The following NUP43 variants were observed in gnomAD, a reference collection of about 807,000 sequenced individuals.
NUP43 encodes nucleoporin 43, also known as nucleoporin Nup43.
NUP43 carries 32 observed loss-of-function variants against 47.3 expected under a neutral mutation model. The ratio of observed to expected loss-of-function variants is 0.68; its 90% CI spans 0.51 to 0.91. NUP43 has a LOEUF of 0.91. Ranked by LOEUF, NUP43 falls within the 40% of genes least tolerant of loss-of-function variation. The probability of loss-of-function intolerance (pLI) is 0.00; values close to 1 mark genes in which losing one functional copy is unlikely to be tolerated. For missense variants in NUP43, 444 were observed against 453.9 expected (o/e 0.98, Z 0.20); for synonymous variants, 147 against 158.4 (o/e 0.93, Z 0.54).
rs1028382996 is a variant in NUP43 at position 149,725,990 on chromosome 6, C to T, written c.*979G>A. The T allele has an allele frequency of 6.6e-6, 1 of 152,084 alleles. No individual in the cohort carries two copies. The highest frequency in any genetic ancestry group is 1.5e-5 in the Non-Finnish European group (1 of 68,018). The allele number at this position is 152,084 out of a possible 1,614,324, so 9.4% of individuals were successfully genotyped here. A position where few individuals can be genotyped will look rare whatever the true frequency, so the allele number is the denominator to read the frequency against. ...AGAATTCTACTTTATTGCACAATGTCCAGTTTGGCAACTTTCAGCTATGCT... is the reference window on the plus strand; with the variant it reads ...AGAATTCTACTTTATTGCACAATGTTCAGTTTGGCAACTTTCAGCTATGCT... On this transcript the variant is annotated 3_prime_UTR_variant, in exon 8 of 8. Coordinates refer to ENST00000340413, the MANE Select transcript of NUP43 (RefSeq NM_198887.3).
chr6:149,746,703 G>A (rs749014117), upstream of NUP43: 12 of 1,512,854 alleles, frequency 7.9e-6, no homozygotes, highest in Non-Finnish European at 1.1e-5. Flanking sequence ...CTGAGCAAAG[G>A]CAAGAGCGCT....
chr6:149,739,886 T>C (rs914762511), intron 4 of NUP43, among the ~76,000 whole-genome samples: 1 of 152,194 alleles, frequency 6.6e-6, no homozygotes, highest in Non-Finnish European at 1.5e-5. Context: ...TTTTGTTGAT[T>C]TCCTAGTGTT....
intron 4 of NUP43, 133 bp from the exon 5 acceptor site, chr6:149,738,911 A>G: frequency 2.1e-6 from 1 of 474,980 alleles, no homozygotes; most frequent in South Asian, 6.5e-5. Flanking sequence ...TCTATAGAAA[A>G]ATGCATGGTT....
intron 4 of NUP43, among the ~76,000 whole-genome samples, chr6:149,739,663 TGA>T (rs200328584): frequency 0.023 from 3,574 of 152,258 alleles, 62 homozygotes; most frequent in Non-Finnish European, 0.038. Flanking sequence ...CCTGCATTTC[TGA>T]GAGAGTTGTT....
rs147323573 is a variant in NUP43 at position 149,736,612 on chromosome 6, G to A, written c.649C>T (p.Arg217Ter). Reference sequence around the variant, plus strand: ...CTATCAACACAGTGGAGTGGCACTCGGTCACCAGTCCTTTTGTGGGAGATA... The same window carrying A: ...CTATCAACACAGTGGAGTGGCACTCAGTCACCAGTCCTTTTGTGGGAGATA... ...PSQILSLTGD[R>*]VPLHCVDRHP... The change falls in exon 6 of 8, where the codon CGA becomes TGA. Residue 217 changes from arginine to a stop codon, truncating the protein, a stop_gained. Coordinates refer to ENST00000340413, the MANE Select transcript of NUP43 (RefSeq NM_198887.3). LOFTEE classifies it high-confidence loss of function. The A allele has an allele frequency of 5.1e-6, 8 of 1,581,828 alleles. No homozygotes were observed. The highest frequency in any genetic ancestry group is 3.4e-5 in the South Asian group (3 of 88,846).
chr6:149,739,630 T>C (rs1266819078), intron 4 of NUP43, among the ~76,000 whole-genome samples: 2 of 152,108 alleles, frequency 1.3e-5, no homozygotes, highest in African/African-American at 4.8e-5. Context: ...CATACATTTC[T>C]TTTTAACTCT....
At chr6:149,744,219 A>G (rs1785835659) in intron 2 of NUP43, among the ~76,000 whole-genome samples, 1 of 151,256 alleles carries the variant, frequency 6.6e-6, no homozygotes, top group Non-Finnish European at 1.5e-5. Flanking sequence ...GTTTCAAAAA[A>G]AGAATAAAAA....
chr6:149,746,038 T>G lies in NUP43; in HGVS notation c.145A>C (p.Ile49Leu). The G allele has an allele frequency of 6.2e-7, 1 of 1,613,918 alleles. No homozygotes were observed. Among genetic ancestry groups the G allele is most frequent in the South Asian group, 1.1e-5 (1 of 91,070 alleles). Residue 49 changes from isoleucine (I) to leucine (L), a missense_variant, in exon 2 of 8, where the codon ATT (isoleucine) becomes CTT (leucine). Coordinates refer to ENST00000340413, the MANE Select transcript of NUP43 (RefSeq NM_198887.3). ...GAGTCCAAGTTTCCAAAATCTCCAA[T>G]AGACCACAGTGAAATATAATTTTCC... ...NEENYISLWSIGDFGNLDSDG... is the reference protein window; with the variant it reads ...NEENYISLWSLGDFGNLDSDG...
chr6:149,727,057 G>A lies in NUP43; in HGVS notation c.1055C>T (p.Ser352Phe). ...ITSLLPSRSL[S>F]VNTLDVLGPC... ...ACCTAAAACATCCAAAGTGTTCACA[G>A]ACAGAGACCTACTGGGAAGTAAGCT... The change falls in exon 8 of 8, where the codon TCT (serine) becomes TTT (phenylalanine). Residue 352 changes from serine (S) to phenylalanine (F), a missense_variant. By Grantham distance (155) the Ser-to-Phe change is radical. Transcript: ENST00000340413. 6.2e-7 allele frequency: 1 copy of A among 1,614,148 alleles called. No individual in the cohort carries two copies. Among genetic ancestry groups the A allele is most frequent in the Non-Finnish European group, 8.5e-7 (1 of 1,180,012 alleles).
chr6:149,743,498 G>A lies in NUP43; in HGVS notation c.321+140C>T, dbSNP rs186798737. On this transcript the variant is annotated intron_variant, in intron 3 of 7. Coordinates refer to ENST00000340413, the MANE Select transcript of NUP43 (RefSeq NM_198887.3). The stretch of plus-strand genomic sequence containing the variant: ...TAATCCCAGCTACTTGGGAGGCTGA[G>A]GCAGGAGAATCACTTGAACTCAGAA... 7.0e-5 allele frequency: 39 copies of A among 553,288 alleles called. No individual in the cohort carries two copies. The East Asian group carries it at 1.1e-3, about 16-fold the overall frequency. The allele number at this position is 553,288 out of a possible 1,614,324, so 34.3% of individuals were successfully genotyped here.
At chr6:149,727,389 A>G (rs1784838405) in intron 7 of NUP43, 191 bp from the exon 8 acceptor site, 11 of 984,478 alleles carry the variant, frequency 1.1e-5, no homozygotes, top group Non-Finnish European at 1.3e-5. Context: ...TAAATATTCA[A>G]ATTTCCATGG....
intron 6 of NUP43, among the ~76,000 whole-genome samples, chr6:149,734,481 G>C (rs1180473420): frequency 6.6e-6 from 1 of 151,818 alleles, no homozygotes; most frequent in Non-Finnish European, 1.5e-5. Flanking sequence ...TTCCAACCTG[G>C]GTGAGAGAGA....
chr6:149,735,972 C>CT (rs1227977422), intron 6 of NUP43, among the ~76,000 whole-genome samples: 1 of 93,340 alleles, frequency 1.1e-5, no homozygotes, highest in Non-Finnish European at 2.2e-5. Flanking sequence ...GACCCTGTCT[C>CT]TTTAAAAAAA....
chr6:149,742,044 TA>T (rs939565104), intron 4 of NUP43, among the ~76,000 whole-genome samples: 4 of 150,988 alleles, frequency 2.6e-5, no homozygotes, highest in African/African-American at 9.7e-5. Flanking sequence ...TTTTTTTTTT[TA>T]AACAGAGTTT....
At position 149,728,336 on chromosome 6, in the gene NUP43, CTG is replaced by C; in HGVS notation, c.914-1140_914-1139del. The C allele has an allele frequency of 6.1e-6, 6 of 985,212 alleles. No individual in the cohort carries two copies. In the South Asian group the frequency reaches 2.8e-4, roughly 46 times the overall value. The allele number at this position is 985,212 out of a possible 1,614,324, so 61.0% of individuals were successfully genotyped here. On this transcript the variant is annotated intron_variant, in intron 7 of 7. Coordinates refer to ENST00000340413, the MANE Select transcript of NUP43 (RefSeq NM_198887.3). ...TAAAAGTAAACTTGCAAGTTCAAGA[CTG>C]TGCGGTTAGGGGAGGAAGGAAGTAA...
At chr6:149,747,654 C>T (rs1358693657), upstream of NUP43, among the ~76,000 whole-genome samples, 1 of 152,090 alleles carries the variant, frequency 6.6e-6, no homozygotes, top group Admixed American at 6.6e-5. Context: ...ATATTCCTCC[C>T]CCATTAGAAT....
At chr6:149,744,107 C>CTACAAAAA (rs1193389904) in intron 2 of NUP43, among the ~76,000 whole-genome samples, 1 of 151,938 alleles carries the variant, frequency 6.6e-6, no homozygotes, top group African/African-American at 2.4e-5. Flanking sequence ...GGCCTCGTCT[C>CTACAAAAA]TACAAAAATA....
intron 6 of NUP43, among the ~76,000 whole-genome samples, chr6:149,733,634 T>C (rs1785169133): frequency 6.6e-6 from 1 of 152,070 alleles, no homozygotes. Flanking sequence ...TTAACAGACA[T>C]GGGGTTTCTC....
In NUP43 at chr6:149,726,475, T is replaced by TTTATTA. The variant is rs1784794142; in HGVS notation, c.*488_*493dup. On this transcript the variant is annotated 3_prime_UTR_variant, in exon 8 of 8. Coordinates refer to ENST00000340413, the MANE Select transcript of NUP43 (RefSeq NM_198887.3). ...CTCTACTCAATTCTTTCTGAAAAAG[T>TTTATTA]TTATTATTATTAAGGAAATAAAGTG... 6.4e-6 allele frequency: 1 copy of TTTATTA among 155,328 alleles called. No homozygotes were observed. Among genetic ancestry groups the TTTATTA allele is most frequent in the African/African-American group, 2.4e-5 (1 of 41,266 alleles). The allele number at this position is 155,328 out of a possible 1,614,324, so 9.6% of individuals were successfully genotyped here. A position where few individuals can be genotyped will look rare whatever the true frequency, so the allele number is the denominator to read the frequency against.
Sources: gnomAD v4.1 joint callset for allele counts (sites outside exome capture counted in the v4.1 genomes callset) on GRCh38, gnomAD v4.1.1 for gene constraint, MANE v1.5 for transcripts, NCBI Gene and HGNC (gene_info 2026-07-23, HGNC 2026-07-21) for gene names.